The following ALK variants were observed in gnomAD, a reference collection of about 807,000 sequenced individuals.
The protein encoded by ALK is ALK tyrosine kinase receptor.
A neutral mutation model predicts 163.1 loss-of-function variants in ALK; 74 were observed. That is an observed-to-expected ratio of 0.45 (90% CI 0.38 to 0.55). ALK has a LOEUF of 0.55. Ranked by LOEUF, ALK falls within the 20% of genes least tolerant of loss-of-function variation. The pLI, the probability that ALK is intolerant of heterozygous loss-of-function variation, is 0.00. For missense variants in ALK, 2,063 were observed against 2,105.3 expected, an observed-to-expected ratio of 0.98 and a Z score of 0.39; for synonymous variants, 960 against 843.2, an observed-to-expected ratio of 1.14 and a Z score of -2.40.
chr2:29,660,543 G>A (rs961067078), intron 3 of ALK, among the ~76,000 whole-genome samples: 7 of 152,006 alleles, frequency 4.6e-5, no homozygotes, highest in Non-Finnish European at 7.4e-5. Context: ...GGAGGGGAGT[G>A]GTGGAGATGG....
intron 5 of ALK, among the ~76,000 whole-genome samples, chr2:29,363,828 G>T (rs1443927478): frequency 1.3e-5 from 2 of 152,088 alleles, no homozygotes; most frequent in South Asian, 4.1e-4. Context: ...AACACATCGA[G>T]GAACCCAGAT....
intron 12 of ALK, among the ~76,000 whole-genome samples, chr2:29,243,279 C>T (rs1664571802): frequency 6.6e-6 from 1 of 152,230 alleles, no homozygotes. Context: ...GCTTTGCTTA[C>T]CTCTCCCCAG....
chr2:29,492,565 C>T lies in ALK; in HGVS notation c.1154+39350G>A, dbSNP rs79599035. ...TGTCCAGGGCCTAGCTGTTTCTGCA[C>T]ACGGTCAGTAGGTGTTTAGCCCAAG... On this transcript the variant is annotated intron_variant, in intron 4 of 28. Transcript: ENST00000389048. Among the ~76,000 whole-genome samples the T allele has an allele frequency of 8.5e-3, 1,298 of 152,270 alleles. 18 individuals are homozygous for T. Among genetic ancestry groups the T allele is most frequent in the African/African-American group, 0.029 (1,225 of 41,548 alleles).
intron 26 of ALK, among the ~76,000 whole-genome samples, chr2:29,199,334 T>A (rs1253134549): frequency 6.6e-6 from 1 of 152,218 alleles, no homozygotes; most frequent in Non-Finnish European, 1.5e-5. Flanking sequence ...TTTTTTAATG[T>A]CATGATTTCC....
At chr2:29,693,882 C>G (rs1005138547) in intron 3 of ALK, among the ~76,000 whole-genome samples, 10 of 152,292 alleles carry the variant, frequency 6.6e-5, no homozygotes, top group Admixed American at 3.9e-4. Flanking sequence ...GTCACTCCCC[C>G]GCTCTGAGCA....
At chr2:29,465,055 A>G (rs1158981801) in intron 4 of ALK, among the ~76,000 whole-genome samples, 2 of 152,242 alleles carry the variant, frequency 1.3e-5, no homozygotes, top group Admixed American at 1.3e-4. Context: ...TGAAAACTTT[A>G]AGTTCACAGA....
At chr2:29,751,259 G>A (rs943321558) in intron 1 of ALK, among the ~76,000 whole-genome samples, 4 of 151,732 alleles carry the variant, frequency 2.6e-5, no homozygotes, top group Non-Finnish European at 5.9e-5. Flanking sequence ...GTACACTCCT[G>A]TACATTTTAG....
chr2:29,309,659 GT>G (rs1294371326), intron 8 of ALK, among the ~76,000 whole-genome samples: 2 of 148,830 alleles, frequency 1.3e-5, no homozygotes, highest in East Asian at 4.0e-4. Context: ...GGTGTCATTT[GT>G]TGGGTCCTCG....
intron 4 of ALK, among the ~76,000 whole-genome samples, chr2:29,441,393 G>A (rs1037678575): frequency 2.0e-5 from 3 of 152,204 alleles, no homozygotes; most frequent in African/African-American, 7.2e-5. Flanking sequence ...GCAGGGCAGG[G>A]CCCGCCCTGG....
intron 4 of ALK, among the ~76,000 whole-genome samples, chr2:29,508,040 G>A (rs774367150): frequency 7.9e-5 from 12 of 152,128 alleles, no homozygotes; most frequent in Non-Finnish European, 1.5e-4. Flanking sequence ...CCTGAGTCCT[G>A]AGCATGTTTG....
At chr2:29,528,105 T>C (rs1673008669) in intron 4 of ALK, among the ~76,000 whole-genome samples, 1 of 152,246 alleles carries the variant, frequency 6.6e-6, no homozygotes, top group Admixed American at 6.5e-5. Context: ...TTTCAAGTAT[T>C]AGTAATCCAA....
intron 1 of ALK, among the ~76,000 whole-genome samples, chr2:29,879,717 G>A (rs987930114): frequency 4.6e-5 from 7 of 152,158 alleles, no homozygotes; most frequent in South Asian, 2.1e-4. Flanking sequence ...CAAAGAGGAC[G>A]TGCCCACTTA....
At chr2:29,204,102 A>T (rs1669255020) in intron 26 of ALK, among the ~76,000 whole-genome samples, 1 of 152,180 alleles carries the variant, frequency 6.6e-6, no homozygotes, top group African/African-American at 2.4e-5. Flanking sequence ...TTAAATAATA[A>T]GATTTTTTTC....
chr2:29,725,300 T>C (rs750564834), intron 1 of ALK, among the ~76,000 whole-genome samples: 12 of 152,236 alleles, frequency 7.9e-5, no homozygotes, highest in Admixed American at 5.2e-4. Context: ...TTCTATCCCA[T>C]TACTCCTTAG....
chr2:29,718,637 A>G (rs911903321), intron 1 of ALK, among the ~76,000 whole-genome samples: 1 of 152,198 alleles, frequency 6.6e-6, no homozygotes, highest in Non-Finnish European at 1.5e-5. Flanking sequence ...CTTTACCTAC[A>G]TAATGTCACA....
chr2:29,829,061 A>G (rs1665286744), intron 1 of ALK, among the ~76,000 whole-genome samples: 1 of 151,162 alleles, frequency 6.6e-6, no homozygotes, highest in African/African-American at 2.4e-5. Context: ...AAACTATCGC[A>G]AGGACAAAAA....
chr2:29,381,279 G>A (rs1430546174), intron 5 of ALK, among the ~76,000 whole-genome samples: 1 of 152,250 alleles, frequency 6.6e-6, no homozygotes, highest in Non-Finnish European at 1.5e-5. Flanking sequence ...ATTGACACTT[G>A]GCTTTGCGCA....
chr2:29,757,235 C>A (rs185550212), intron 1 of ALK, among the ~76,000 whole-genome samples: 1 of 152,168 alleles, frequency 6.6e-6, no homozygotes, highest in Admixed American at 6.5e-5. Flanking sequence ...AAAAGCCAGA[C>A]GGGCATCTTG....
chr2:29,533,807 A>G (rs1558371630), intron 3 of ALK, among the ~76,000 whole-genome samples: 3 of 152,330 alleles, frequency 2.0e-5, no homozygotes, highest in Middle Eastern at 3.4e-3. Flanking sequence ...TGCAAGAACT[A>G]TCAGCACAAA....
Sources: allele counts gnomAD v4.1 joint callset (sites outside exome capture counted in the v4.1 genomes callset), GRCh38; gene constraint gnomAD v4.1.1; transcripts MANE v1.5; gene names NCBI Gene and HGNC (gene_info 2026-07-23, HGNC 2026-07-21).